COL5A2: variants seen among roughly 807,000 people sequenced by gnomAD.
The protein encoded by COL5A2 is collagen type V alpha 2 chain.
COL5A2 carries 23 observed loss-of-function variants against 208.2 expected under a neutral mutation model. That is an observed-to-expected ratio of 0.11 (90% CI 0.08 to 0.16). The LOEUF (loss-of-function observed/expected upper bound fraction) is 0.16, where lower values mean the gene tolerates loss of function less well. COL5A2 is among the 10% of genes least tolerant of loss of function. The pLI is 1.00. For synonymous variants in COL5A2, 625 were observed against 628.5 expected, an observed-to-expected ratio of 0.99 and a Z score of 0.08; for missense variants, 1,590 against 1,956.4, an observed-to-expected ratio of 0.81 and a Z score of 3.53.
chr2:189,078,630 G>A (rs974512955), intron 15 of COL5A2, 61 bp from the exon 16 acceptor site: 41 of 1,281,402 alleles, frequency 3.2e-5, no homozygotes, highest in Non-Finnish European at 4.7e-5. Flanking sequence ...AGAGTAGTCT[G>A]ACTACCCCAC....
chr2:189,358,873 T>C, the COL5A2 span, among the ~76,000 whole-genome samples: 1 of 152,126 alleles, frequency 6.6e-6, no homozygotes, highest in East Asian at 1.9e-4. Flanking sequence ...TTTCAGATTG[T>C]TTGCTATTGA....
chr2:189,056,248 A>C lies in COL5A2; in HGVS notation c.2391+725T>G, dbSNP rs143139853. Among the ~76,000 whole-genome samples the C allele has an allele frequency of 3.4e-3, 523 of 152,346 alleles. 2 individuals are homozygous for C. Among genetic ancestry groups the C allele is most frequent in the South Asian group, 0.015 (72 of 4,822 alleles). The stretch of plus-strand genomic sequence containing the variant: ...GACAACTAACAGCAAACCATGTCAT[A>C]CTGAAACAGAAATCATTAGTCAAAT... On this transcript the variant is annotated intron_variant, in intron 35 of 53. Coordinates refer to ENST00000374866, the MANE Select transcript of COL5A2 (RefSeq NM_000393.5).
At chr2:189,216,242 T>C (rs1368993466) in intron 1 of COL5A2, among the ~76,000 whole-genome samples, 1 of 152,146 alleles carries the variant, frequency 6.6e-6, no homozygotes, top group Non-Finnish European at 1.5e-5. Context: ...ATGACAGCTA[T>C]GTGGAATGAT....
chr2:189,189,690 A>ATC (rs1688899706), intron 1 of COL5A2, among the ~76,000 whole-genome samples: 1 of 151,822 alleles, frequency 6.6e-6, no homozygotes, highest in Middle Eastern at 3.2e-3. Flanking sequence ...GCATGTATAT[A>ATC]TATATATTTC....
intron 18 of COL5A2, among the ~76,000 whole-genome samples, chr2:189,070,925 T>C (rs1414095905): frequency 6.6e-6 from 1 of 152,186 alleles, no homozygotes; most frequent in Non-Finnish European, 1.5e-5. Context: ...GGCACTATTT[T>C]AAAGCAGCGG....
At chr2:189,183,611 T>C (rs938480092), upstream of COL5A2, among the ~76,000 whole-genome samples, 7 of 152,108 alleles carry the variant, frequency 4.6e-5, no homozygotes, top group African/African-American at 1.4e-4. Context: ...ACCACCACCA[T>C]CTTAGTCCCA....
chr2:189,211,338 G>A (rs1689210460), intron 1 of COL5A2, among the ~76,000 whole-genome samples: 1 of 152,114 alleles, frequency 6.6e-6, no homozygotes, highest in South Asian at 2.1e-4. Context: ...ACAACCAGTA[G>A]GTGGGTCTCT....
the COL5A2 span, among the ~76,000 whole-genome samples, chr2:189,363,215 T>A: frequency 5.3e-5 from 8 of 152,140 alleles, no homozygotes; most frequent in Non-Finnish European, 8.8e-5. Context: ...CAATTAGTAA[T>A]GGTGAAATCC....
chr2:189,044,056 G>C (rs2153507133), intron 47 of COL5A2, among the ~76,000 whole-genome samples: 1 of 152,252 alleles, frequency 6.6e-6, no homozygotes, highest in African/African-American at 2.4e-5. Context: ...CAGCTCCAGG[G>C]AACGAGTGGT....
the COL5A2 span, among the ~76,000 whole-genome samples, chr2:189,230,740 G>A: frequency 6.6e-6 from 1 of 151,938 alleles, no homozygotes; most frequent in African/African-American, 2.4e-5. Flanking sequence ...CGCACTGTTG[G>A]TAGAAATGTA....
chr2:189,093,040 G>T (rs1296195808), intron 6 of COL5A2, among the ~76,000 whole-genome samples: 1 of 152,060 alleles, frequency 6.6e-6, no homozygotes, highest in Non-Finnish European at 1.5e-5. Context: ...ACCCCCAGAG[G>T]AAGACTAGAC....
chr2:189,139,856 C>T (rs749041959), intron 1 of COL5A2, among the ~76,000 whole-genome samples: 13 of 152,154 alleles, frequency 8.5e-5, no homozygotes, highest in East Asian at 5.8e-4. Context: ...AGGCAGATCA[C>T]GAGGTCAGGA....
At chr2:189,315,196 C>A in the COL5A2 span, among the ~76,000 whole-genome samples, 38 of 152,254 alleles carry the variant, frequency 2.5e-4, no homozygotes, top group South Asian at 2.5e-3. Context: ...CAAGCCAAAT[C>A]CAGCAGCATA....
At chr2:189,245,716 C>T in the COL5A2 span, among the ~76,000 whole-genome samples, 80,235 of 151,812 alleles carry the variant, frequency 0.53, 24,582 homozygotes, top group East Asian at 0.72. Context: ...CCTCGTGATC[C>T]GCCCACCTCG....
At chr2:189,414,191 TA>T in the COL5A2 span, among the ~76,000 whole-genome samples, 1 of 152,124 alleles carries the variant, frequency 6.6e-6, no homozygotes, top group African/African-American at 2.4e-5. Flanking sequence ...AAAGTTCAAA[TA>T]ACAGCTCTTC....
chr2:189,396,535 G>A, the COL5A2 span, among the ~76,000 whole-genome samples: 1 of 151,836 alleles, frequency 6.6e-6, no homozygotes, highest in Non-Finnish European at 1.5e-5. Context: ...TTAGCCGGGC[G>A]TGGTGGTGGG....
intron 1 of COL5A2, among the ~76,000 whole-genome samples, chr2:189,142,968 T>A (rs1687964057): frequency 6.6e-6 from 1 of 152,154 alleles, no homozygotes; most frequent in Non-Finnish European, 1.5e-5. Flanking sequence ...AAATCTACAT[T>A]CTTAAGTAAA....
chr2:189,335,843 T>C, the COL5A2 span, among the ~76,000 whole-genome samples: 2 of 152,098 alleles, frequency 1.3e-5, no homozygotes, highest in African/African-American at 4.8e-5. Flanking sequence ...GTGGTGATGG[T>C]TGCACAACTT....
the COL5A2 span, among the ~76,000 whole-genome samples, chr2:189,409,786 T>C: frequency 7.2e-5 from 11 of 152,338 alleles, no homozygotes. Context: ...CTTTGCTGTT[T>C]ATGTATGAAA....
Sources: allele counts gnomAD v4.1 joint callset (sites outside exome capture counted in the v4.1 genomes callset), GRCh38; gene constraint gnomAD v4.1.1; transcripts MANE v1.5; gene names NCBI Gene and HGNC (gene_info 2026-07-23, HGNC 2026-07-21).